Variants in ROBO2 observed in about 807,000 individuals in gnomAD.
ROBO2 encodes roundabout homolog 2.
ROBO2 carries 53 observed loss-of-function variants against 160.8 expected under a neutral mutation model. That is an observed-to-expected ratio of 0.33 (90% CI 0.26 to 0.41). The LOEUF (loss-of-function observed/expected upper bound fraction) is 0.41, where lower values mean the gene tolerates loss of function less well. ROBO2 is among the 10% of genes least tolerant of loss of function. The pLI, the probability that ROBO2 is intolerant of heterozygous loss-of-function variation, is 1.00. For synonymous variants in ROBO2, 664 were observed against 611.7 expected, an observed-to-expected ratio of 1.09 and a Z score of -1.26; for missense variants, 1,577 against 1,722.4, an observed-to-expected ratio of 0.92 and a Z score of 1.49.
At chr3:76,023,993 T>G (rs2066654406) in intron 2 of ROBO2, among the ~76,000 whole-genome samples, 1 of 151,586 alleles carries the variant, frequency 6.6e-6, no homozygotes, top group Non-Finnish European at 1.5e-5. Context: ...CTTCCAATTT[T>G]ATGTCTAGAT....
At chr3:75,913,443 C>T (rs778815690) in intron 1 of ROBO2, among the ~76,000 whole-genome samples, 52 of 152,132 alleles carry the variant, frequency 3.4e-4, no homozygotes, top group Non-Finnish European at 5.9e-4. Context: ...CCTTGAGAAC[C>T]TGAAATTAAT....
chr3:76,139,275 C>T (rs1348941056), intron 2 of ROBO2, among the ~76,000 whole-genome samples: 1 of 151,978 alleles, frequency 6.6e-6, no homozygotes, highest in Non-Finnish European at 1.5e-5. Context: ...TATTGCTAAG[C>T]AACAATTTCC....
At chr3:77,348,395 A>T (rs2067914902) in intron 2 of ROBO2, among the ~76,000 whole-genome samples, 1 of 152,100 alleles carries the variant, frequency 6.6e-6, no homozygotes, top group Non-Finnish European at 1.5e-5. Context: ...TGCGAGTATA[A>T]CAGTGAGAAC....
intron 2 of ROBO2, among the ~76,000 whole-genome samples, chr3:77,253,941 A>T (rs1447708072): frequency 6.6e-6 from 1 of 152,140 alleles, no homozygotes; most frequent in Non-Finnish European, 1.5e-5. Flanking sequence ...CTTGGACATA[A>T]TTTTTCTTAT....
intron 1 of ROBO2, among the ~76,000 whole-genome samples, chr3:75,914,179 T>C (rs1946714541): frequency 6.6e-6 from 1 of 152,184 alleles, no homozygotes; most frequent in Admixed American, 6.5e-5. Context: ...GCAGGGAGCA[T>C]TGTCCTTCCT....
chr3:76,235,784 C>T (rs1411105503), intron 2 of ROBO2, among the ~76,000 whole-genome samples: 1 of 152,006 alleles, frequency 6.6e-6, no homozygotes, highest in East Asian at 1.9e-4. Flanking sequence ...GCATTAATTG[C>T]ATTGTGGGTT....
chr3:76,080,466 C>T (rs1032938174), intron 2 of ROBO2, among the ~76,000 whole-genome samples: 1 of 152,110 alleles, frequency 6.6e-6, no homozygotes, highest in Admixed American at 6.6e-5. Context: ...GCCTGATGGT[C>T]GGAGCACAAC....
intron 2 of ROBO2, among the ~76,000 whole-genome samples, chr3:76,845,591 T>C (rs1056723012): frequency 6.6e-6 from 1 of 151,996 alleles, no homozygotes; most frequent in Admixed American, 6.6e-5. Flanking sequence ...CACCATACTG[T>C]AATCTCCTAA....
In ROBO2 at chr3:76,059,113, T is replaced by C. The variant is rs546356794; in HGVS notation, c.109+121511T>C. Among the ~76,000 whole-genome samples, 193 of 151,954 alleles carry C rather than the reference T, an allele frequency of 1.3e-3. 1 individual carries two copies. Among genetic ancestry groups the C allele is most frequent in the African/African-American group, 4.6e-3 (190 of 41,434 alleles). On this transcript the variant is annotated intron_variant, in intron 2 of 26. Transcript: ENST00000487694. ...TGAATAGTGCCGCAATAAACATACGTGTGCATGTGTCTTTATGGCAGCATG... is the reference window on the plus strand; with the variant it reads ...TGAATAGTGCCGCAATAAACATACGCGTGCATGTGTCTTTATGGCAGCATG...
chr3:76,023,864 A>G (rs2066650713), intron 2 of ROBO2, among the ~76,000 whole-genome samples: 1 of 151,498 alleles, frequency 6.6e-6, no homozygotes, highest in African/African-American at 2.4e-5. Flanking sequence ...AGAAAAGTGC[A>G]ATAAAACAAG....
chr3:77,410,928 C>T (rs375252050), intron 2 of ROBO2, among the ~76,000 whole-genome samples: 6 of 151,732 alleles, frequency 4.0e-5, no homozygotes, highest in Non-Finnish European at 5.9e-5. Flanking sequence ...CTCAACCTCC[C>T]GAGTAGCTGG....
intron 1 of ROBO2, among the ~76,000 whole-genome samples, chr3:75,924,011 T>C (rs768810966): frequency 1.3e-5 from 2 of 152,234 alleles, no homozygotes; most frequent in Non-Finnish European, 2.9e-5. Context: ...CTTTAATCAA[T>C]AGACTAGGAC....
At chr3:76,665,871 A>G (rs2092000049) in intron 2 of ROBO2, among the ~76,000 whole-genome samples, 1 of 138,818 alleles carries the variant, frequency 7.2e-6, no homozygotes, top group Non-Finnish European at 1.5e-5. Flanking sequence ...GTATGTATAT[A>G]CGTATTATAT....
chr3:76,199,962 C>G, intron 2 of ROBO2, among the ~76,000 whole-genome samples: 1 of 152,088 alleles, frequency 6.6e-6, no homozygotes, highest in East Asian at 1.9e-4. Context: ...AAATACTTAG[C>G]CTTTGTGTAT....
chr3:77,293,885 C>T lies in ROBO2; in HGVS notation c.389-183529C>T, dbSNP rs1447304575. ...CACCCCAGATGTAAAGTAAAATTGA[C>T]GGCTAAACGAGTAAGCTGCAGCTAG... On this transcript the variant is annotated intron_variant, in intron 2 of 25. Coordinates refer to ENST00000461745, the Ensembl canonical transcript of ROBO2. Among the ~76,000 whole-genome samples the T allele has an allele frequency of 1.2e-4, 16 of 133,262 alleles. 1 individual carries two copies. The highest frequency in any genetic ancestry group is 2.3e-4 in the South Asian group (1 of 4,270). 87.4% of individuals were successfully genotyped at this position (133,262 alleles called of 152,430 possible). A position where few individuals can be genotyped will look rare whatever the true frequency, so the allele number is the denominator to read the frequency against.
intron 2 of ROBO2, among the ~76,000 whole-genome samples, chr3:76,930,199 T>A (rs2077247431): frequency 6.6e-6 from 1 of 151,972 alleles, no homozygotes; most frequent in African/African-American, 2.4e-5. Flanking sequence ...AATTTTTGTA[T>A]TTTTAGTATA....
intron 2 of ROBO2, among the ~76,000 whole-genome samples, chr3:77,375,966 A>T (rs990284375): frequency 1.3e-5 from 2 of 150,050 alleles, no homozygotes; most frequent in Non-Finnish European, 2.9e-5. Flanking sequence ...AGACCAAGAG[A>T]TCCCTTTCTC....
At chr3:76,040,539 C>G (rs1194265693) in intron 2 of ROBO2, among the ~76,000 whole-genome samples, 1 of 152,026 alleles carries the variant, frequency 6.6e-6, no homozygotes, top group Admixed American at 6.5e-5. Flanking sequence ...CATCTACAAA[C>G]AAAATTTCCC....
intron 1 of ROBO2, among the ~76,000 whole-genome samples, chr3:77,046,730 A>G (rs921928552): frequency 1.3e-5 from 2 of 152,178 alleles, no homozygotes; most frequent in African/African-American, 2.4e-5. Context: ...GGCTCTTGTT[A>G]CTGAAAATGA....
Sources: gnomAD v4.1 joint callset for allele counts (sites outside exome capture counted in the v4.1 genomes callset) on GRCh38, gnomAD v4.1.1 for gene constraint, MANE v1.5 for transcripts, NCBI Gene and HGNC (gene_info 2026-07-23, HGNC 2026-07-21) for gene names.